Variants in TSNAXIP1 observed in about 807,000 individuals in gnomAD.
TSNAXIP1 encodes translin associated factor X interacting protein 1.
Under a neutral mutation model 84.8 loss-of-function variants are expected in TSNAXIP1, and 89 were observed. That is an observed-to-expected ratio of 1.05 (90% CI 0.88 to 1.25). TSNAXIP1 has a LOEUF of 1.25. Ranked by LOEUF, TSNAXIP1 falls within the 50% of genes most tolerant of loss-of-function variation. TSNAXIP1 has a pLI of 0.00. For synonymous variants in TSNAXIP1, 347 were observed against 335.2 expected, an observed-to-expected ratio of 1.04 and a Z score of -0.39; for missense variants, 874 against 887.6, an observed-to-expected ratio of 0.98 and a Z score of 0.20.
In TSNAXIP1 at chr16:67,825,132, G is replaced by T. The variant is rs1031817876; in HGVS notation, c.679-5G>T. 3 of 1,613,452 alleles carry T rather than the reference G, an allele frequency of 1.9e-6. No individual in the cohort carries two copies. The African/African-American group carries it at 4.0e-5, about 22-fold the overall frequency. On this transcript the variant is annotated splice_polypyrimidine_tract_variant and splice_region_variant and intron_variant, in intron 6 of 15. Transcript: ENST00000561639. ...CCCCTGACCACACAGCCACCTTCTT[G>T]CCAGGTGACCAAACTGAGGAAGAAC...
Position 67,827,879 on chromosome 16 carries a change from G to A in TSNAXIP1, c.2025G>A (p.Glu675=), listed in dbSNP as rs1386387738. 1.2e-6 allele frequency: 2 copies of A among 1,614,154 alleles called. No individual in the cohort carries two copies. Among genetic ancestry groups the A allele is most frequent in the East Asian group, 2.2e-5 (1 of 44,872 alleles). Residue 675 remains glutamate (E), a synonymous_variant, in exon 16 of 16, where the codon GAG becomes GAA. Transcript: ENST00000561639. The part of the protein sequence containing the change: ...AFQLPESEMP[E]EGDEKEEAVV... Reference sequence around the variant, plus strand: ...AGCTCCCTGAGTCGGAAATGCCAGAGGAGGGTGACGAGAAGGAAGAAGCCG... The same window carrying A: ...AGCTCCCTGAGTCGGAAATGCCAGAAGAGGGTGACGAGAAGGAAGAAGCCG...
intron 1 of TSNAXIP1, among the ~76,000 whole-genome samples, chr16:67,808,086 A>G (rs988742421): frequency 2.0e-5 from 3 of 152,126 alleles, no homozygotes; most frequent in African/African-American, 7.2e-5. Flanking sequence ...CCACCCCACA[A>G]ACATTGTTGG....
intron 1 of TSNAXIP1, among the ~76,000 whole-genome samples, chr16:67,812,848 C>A (rs950400966): frequency 1.1e-4 from 16 of 152,044 alleles, no homozygotes; most frequent in Non-Finnish European, 1.8e-4. Context: ...TGGGCTCAAG[C>A]GATCTGCCCG....
intron 2 of TSNAXIP1, among the ~76,000 whole-genome samples, chr16:67,817,160 G>GC (rs1000317330): frequency 3.0e-4 from 44 of 147,588 alleles, no homozygotes; most frequent in African/African-American, 1.1e-3. Flanking sequence ...TTTGTTTTTT[G>GC]TTTTTTTGAA....
At chr16:67,824,807 A>G (rs1025642121) in intron 6 of TSNAXIP1, 28 bp downstream of exon 6, 2 of 1,602,842 alleles carry the variant, frequency 1.2e-6, no homozygotes, top group South Asian at 2.2e-5. Context: ...GATGATGACC[A>G]AGTCCCCGAA....
At chr16:67,816,913 C>T (rs1038672586) in intron 2 of TSNAXIP1, among the ~76,000 whole-genome samples, 1 of 151,670 alleles carries the variant, frequency 6.6e-6, no homozygotes. Context: ...CATTTTCTCC[C>T]GGTAGAAACA....
chr16:67,807,992 C>T (rs1240298006), intron 1 of TSNAXIP1, among the ~76,000 whole-genome samples: 3 of 152,082 alleles, frequency 2.0e-5, no homozygotes, highest in South Asian at 2.1e-4. Flanking sequence ...TTGGCTAAAT[C>T]GTTTTCTAGT....
chr16:67,826,798 A>G lies in TSNAXIP1; in HGVS notation c.1508A>G (p.His503Arg). The G allele has an allele frequency of 6.2e-7, 1 of 1,613,798 alleles. No homozygotes were observed. Among genetic ancestry groups the G allele is most frequent in the South Asian group, 1.1e-5 (1 of 91,068 alleles). Residue 503 changes from histidine (H) to arginine (R), a missense_variant, in exon 12 of 16, where the codon CAC (histidine) becomes CGC (arginine). By Grantham distance (29) the His-to-Arg change is conservative (BLOSUM62 0). Coordinates refer to ENST00000561639, the MANE Select transcript of TSNAXIP1 (RefSeq NM_001288990.3). The stretch of plus-strand genomic sequence containing the variant: ...ATTTTTGAAAATATCAAGATCTTCC[A>G]CTCCAACGAGGTTATGAGTCAGTTC... ...YTIFENIKIFHSNEVMSQFYA... is the reference protein window; with the variant it reads ...YTIFENIKIFRSNEVMSQFYA...
intron 2 of TSNAXIP1, 136 bp from the exon 3 acceptor site, chr16:67,820,703 C>G (rs1029741922): frequency 5.2e-6 from 3 of 580,568 alleles, no homozygotes; most frequent in Non-Finnish European, 8.7e-6. Flanking sequence ...AAGATCGTGC[C>G]ACCACACTCC....
rs772571979 is a variant in TSNAXIP1, at chr16:67,826,418, C to T, written c.1276-19C>T. Reference sequence around the variant, plus strand: ...GGCCACAGATGGGTCCAGAGATGAGCTGATATCCTCCCTCCTAGGGCTATG... The same window carrying T: ...GGCCACAGATGGGTCCAGAGATGAGTTGATATCCTCCCTCCTAGGGCTATG... On this transcript the variant is annotated intron_variant, in intron 10 of 15. Coordinates refer to ENST00000561639, the MANE Select transcript of TSNAXIP1 (RefSeq NM_001288990.3). 4.3e-6 allele frequency: 7 copies of T among 1,612,908 alleles called. No homozygotes were observed. In the South Asian group the frequency reaches 4.4e-5, roughly 10 times the overall value.
intron 2 of TSNAXIP1, among the ~76,000 whole-genome samples, chr16:67,817,625 C>G (rs1389200862): frequency 6.7e-6 from 1 of 149,020 alleles, no homozygotes; most frequent in African/African-American, 2.4e-5. Flanking sequence ...GGCGCGGTGG[C>G]TCACGCCTGT....
At chr16:67,811,710 G>C (rs1454539872) in intron 1 of TSNAXIP1, among the ~76,000 whole-genome samples, 1 of 152,016 alleles carries the variant, frequency 6.6e-6, no homozygotes, top group Non-Finnish European at 1.5e-5. Context: ...CCAAAGTGCT[G>C]GGATTACAGG....
chr16:67,813,940 T>C (rs1280387771), intron 1 of TSNAXIP1, among the ~76,000 whole-genome samples: 2 of 151,970 alleles, frequency 1.3e-5, no homozygotes, highest in African/African-American at 4.8e-5. Flanking sequence ...CTACAGCACC[T>C]GCCCTTTGTA....
intron 2 of TSNAXIP1, among the ~76,000 whole-genome samples, chr16:67,815,513 AG>A (rs1567746848): frequency 2.0e-5 from 3 of 151,572 alleles, no homozygotes; most frequent in African/African-American, 7.3e-5. Context: ...TTTTTTTGGC[AG>A]GGGGGGACAG....
intron 2 of TSNAXIP1, among the ~76,000 whole-genome samples, chr16:67,820,065 G>A (rs1416180907): frequency 1.3e-5 from 2 of 149,192 alleles, no homozygotes; most frequent in Admixed American, 6.7e-5. Context: ...TGATCCATCC[G>A]CCTTGGCCTT....
chr16:67,810,992 T>C (rs2056018576), intron 1 of TSNAXIP1, among the ~76,000 whole-genome samples: 1 of 152,052 alleles, frequency 6.6e-6, no homozygotes, highest in South Asian at 2.1e-4. Flanking sequence ...GTTTTTTTTT[T>C]TTCCTTTTTC....
intron 13 of TSNAXIP1, 67 bp downstream of exon 13, chr16:67,827,139 G>A (rs2057519886): frequency 1.2e-6 from 2 of 1,605,462 alleles, no homozygotes; most frequent in Non-Finnish European, 1.7e-6. Flanking sequence ...GGGAAAAGGG[G>A]CACCTGGTGG....
intron 6 of TSNAXIP1, 35 bp downstream of exon 6, chr16:67,824,814 C>T (rs376331705): frequency 3.8e-6 from 6 of 1,595,950 alleles, no homozygotes; most frequent in Non-Finnish European, 5.1e-6. Flanking sequence ...ACCAAGTCCC[C>T]GAATTCCTGC....
chr16:67,813,766 C>T (rs1217272282), intron 1 of TSNAXIP1, among the ~76,000 whole-genome samples: 1 of 148,748 alleles, frequency 6.7e-6, no homozygotes, highest in African/African-American at 2.5e-5. Flanking sequence ...GAGTTGTCTC[C>T]ACTTCTTTGT....
Sources: allele counts gnomAD v4.1 joint callset (sites outside exome capture counted in the v4.1 genomes callset), GRCh38; gene constraint gnomAD v4.1.1; transcripts MANE v1.5; gene names NCBI Gene and HGNC (gene_info 2026-07-23, HGNC 2026-07-21).